Variants in HS3ST4 observed in about 807,000 individuals in gnomAD.
HS3ST4 encodes the protein heparan sulfate glucosamine 3-O-sulfotransferase 4.
A neutral mutation model predicts 29.2 loss-of-function variants in HS3ST4; 17 were observed. The ratio of observed to expected loss-of-function variants is 0.58; its 90% CI spans 0.40 to 0.87. HS3ST4 has a LOEUF of 0.87. Ranked by LOEUF, HS3ST4 falls within the 40% of genes least tolerant of loss-of-function variation. The pLI is 0.00. For missense variants in HS3ST4, 627 were observed against 634.5 expected, an observed-to-expected ratio of 0.99 and a Z score of 0.13; for synonymous variants, 314 against 285.7, an observed-to-expected ratio of 1.10 and a Z score of -1.00.
chr16:25,849,318 A>C (rs945673044), intron 1 of HS3ST4, among the ~76,000 whole-genome samples: 30 of 152,208 alleles, frequency 2.0e-4, no homozygotes, highest in African/African-American at 7.2e-4. Flanking sequence ...ATACATGAAC[A>C]TATCTGTGTC....
chr16:26,136,406 C>A lies in HS3ST4; in HGVS notation c.*158C>A. ...TTGCCTCCAGTGCTGTTAGCTTAGG[C>A]AAACAGGTGGATCCCATGGCATCCC... is the stretch of plus-strand genomic sequence containing the variant. On this transcript the variant is annotated 3_prime_UTR_variant, in exon 2 of 2. Transcript: ENST00000331351. The A allele has an allele frequency of 1.4e-6, 1 of 699,288 alleles. No individual in the cohort carries two copies. Among genetic ancestry groups the A allele is most frequent in the East Asian group, 2.7e-5 (1 of 36,692 alleles). 43.3% of individuals were successfully genotyped at this position (699,288 alleles called of 1,614,324 possible). A position where few individuals can be genotyped will look rare whatever the true frequency, so the allele number is the denominator to read the frequency against.
chr16:25,917,186 A>G (rs117662865), intron 1 of HS3ST4, among the ~76,000 whole-genome samples: 3,977 of 152,110 alleles, frequency 0.026, 77 homozygotes, highest in Non-Finnish European at 0.036. Flanking sequence ...ATAAGTATTC[A>G]TTCTATTATC....
At chr16:26,128,784 C>T (rs6497928) in intron 1 of HS3ST4, among the ~76,000 whole-genome samples, 43,680 of 152,022 alleles carry the variant, frequency 0.29, 6,534 homozygotes, top group East Asian at 0.47. Flanking sequence ...TAGGATAATA[C>T]GTGAAATTGC....
At chr16:26,123,069 CG>C (rs1200321112) in intron 1 of HS3ST4, among the ~76,000 whole-genome samples, 2 of 150,874 alleles carry the variant, frequency 1.3e-5, no homozygotes, top group Non-Finnish European at 3.0e-5. Context: ...AAAAAAAAAC[CG>C]GGGGCTTGAA....
chr16:25,775,583 C>T (rs959594550), intron 1 of HS3ST4, among the ~76,000 whole-genome samples: 5 of 152,214 alleles, frequency 3.3e-5, no homozygotes, highest in African/African-American at 7.2e-5. Flanking sequence ...ACATGCACCT[C>T]GTAATCACTT....
At chr16:25,791,552 A>G (rs545185026) in intron 1 of HS3ST4, among the ~76,000 whole-genome samples, 1 of 152,224 alleles carries the variant, frequency 6.6e-6, no homozygotes, top group East Asian at 1.9e-4. Context: ...ATGTGGTATA[A>G]CCTTTCATTT....
chr16:25,724,909 GT>G (rs72007368), intron 1 of HS3ST4, among the ~76,000 whole-genome samples: 41,826 of 147,144 alleles, frequency 0.28, 5,804 homozygotes, highest in South Asian at 0.39. Context: ...ACCTCGTCAA[GT>G]TTTTTTTTTT....
At chr16:25,786,712 C>T (rs954086034) in intron 1 of HS3ST4, among the ~76,000 whole-genome samples, 7 of 152,116 alleles carry the variant, frequency 4.6e-5, no homozygotes, top group African/African-American at 1.4e-4. Context: ...CAAGAACTAT[C>T]GCACATAATT....
chr16:26,072,505 G>A (rs1898614156), intron 1 of HS3ST4, among the ~76,000 whole-genome samples: 2 of 152,144 alleles, frequency 1.3e-5, no homozygotes, highest in Admixed American at 6.5e-5. Context: ...ATTTAAGATG[G>A]TGCCTAAAAC....
At chr16:26,031,171 C>T (rs1969527130) in intron 1 of HS3ST4, among the ~76,000 whole-genome samples, 1 of 152,170 alleles carries the variant, frequency 6.6e-6, no homozygotes, top group Admixed American at 6.5e-5. Flanking sequence ...GGACTACCTG[C>T]CTTGGGCATG....
chr16:26,130,244 T>C (rs778798936), intron 1 of HS3ST4, among the ~76,000 whole-genome samples: 41 of 152,290 alleles, frequency 2.7e-4, no homozygotes, highest in African/African-American at 8.9e-4. Context: ...TAACGAGCTG[T>C]GCCAAGCCCA....
chr16:26,095,164 A>G (rs964584233), intron 1 of HS3ST4, among the ~76,000 whole-genome samples: 1 of 152,182 alleles, frequency 6.6e-6, no homozygotes, highest in Admixed American at 6.5e-5. Flanking sequence ...CACAATAATA[A>G]TGGGAGACTT....
intron 1 of HS3ST4, among the ~76,000 whole-genome samples, chr16:25,827,297 T>G (rs556669873): frequency 6.2e-4 from 95 of 152,214 alleles, no homozygotes; most frequent in African/African-American, 2.2e-3. Context: ...CATAATAGTG[T>G]CAGAGTTTGC....
chr16:26,093,819 C>A (rs1898888360), intron 1 of HS3ST4, among the ~76,000 whole-genome samples: 1 of 152,124 alleles, frequency 6.6e-6, no homozygotes, highest in African/African-American at 2.4e-5. Context: ...CTTGTCCAAG[C>A]TAAAGGAGCT....
At chr16:25,758,218 T>C (rs1331824160) in intron 1 of HS3ST4, among the ~76,000 whole-genome samples, 1 of 152,182 alleles carries the variant, frequency 6.6e-6, no homozygotes, top group African/African-American at 2.4e-5. Flanking sequence ...ACTTAAACAA[T>C]GTCTTTGCTC....
At chr16:25,733,576 G>A (rs1966586777) in intron 1 of HS3ST4, among the ~76,000 whole-genome samples, 1 of 152,200 alleles carries the variant, frequency 6.6e-6, no homozygotes, top group Non-Finnish European at 1.5e-5. Flanking sequence ...TCATGGTGCA[G>A]AGAAGACCAT....
chr16:25,747,379 AGCTTTT>A (rs1289770286), intron 1 of HS3ST4, among the ~76,000 whole-genome samples: 2 of 152,146 alleles, frequency 1.3e-5, no homozygotes, highest in East Asian at 3.9e-4. Flanking sequence ...GGCAAAGCTG[AGCTTTT>A]GCTTTTGCTA....
chr16:25,843,997 T>C (rs1024232714), intron 1 of HS3ST4, among the ~76,000 whole-genome samples: 1 of 152,252 alleles, frequency 6.6e-6, no homozygotes, highest in African/African-American at 2.4e-5. Context: ...GTGTAAACTT[T>C]ATGTTGTAAT....
chr16:26,000,767 A>G (rs1047392754), intron 1 of HS3ST4, among the ~76,000 whole-genome samples: 1 of 152,174 alleles, frequency 6.6e-6, no homozygotes, highest in Non-Finnish European at 1.5e-5. Flanking sequence ...TGAATGCCAC[A>G]TTGTAAATAT....
Sources: allele counts gnomAD v4.1 joint callset (sites outside exome capture counted in the v4.1 genomes callset), GRCh38; gene constraint gnomAD v4.1.1; transcripts MANE v1.5; gene names NCBI Gene and HGNC (gene_info 2026-07-23, HGNC 2026-07-21).